The following MCTP1 variants were observed in gnomAD, a reference collection of about 807,000 sequenced individuals.
The protein encoded by MCTP1 is multiple C2 and transmembrane domain-containing protein 1.
Under a neutral mutation model 120.6 loss-of-function variants are expected in MCTP1, and 69 were observed. The ratio of observed to expected loss-of-function variants is 0.57; its 90% CI spans 0.47 to 0.70. The LOEUF (loss-of-function observed/expected upper bound fraction) is 0.70. Among genes scored for constraint, MCTP1 ranks in the 30% least tolerant of loss-of-function variants. The pLI is 0.00. For missense variants in MCTP1, 1,203 were observed against 1,248.8 expected (o/e 0.96, Z 0.55); for synonymous variants, 529 against 493.1 (o/e 1.07, Z -0.96).
intron 17 of MCTP1, among the ~76,000 whole-genome samples, chr5:94,859,129 T>C (rs909252966): frequency 2.6e-5 from 4 of 151,700 alleles, no homozygotes; most frequent in Non-Finnish European, 5.9e-5. Context: ...AAAACTGTGG[T>C]AGAAGTCTGA....
chr5:95,247,409 CT>C (rs1204996523), intron 1 of MCTP1, among the ~76,000 whole-genome samples: 2 of 152,082 alleles, frequency 1.3e-5, no homozygotes, highest in Non-Finnish European at 2.9e-5. Context: ...CTGCTCTGAT[CT>C]TAGTTATTCC....
intron 2 of MCTP1, among the ~76,000 whole-genome samples, chr5:94,969,305 T>TAAACTACACA (rs1222566381): frequency 5.3e-5 from 8 of 152,184 alleles, no homozygotes; most frequent in Admixed American, 2.6e-4. Flanking sequence ...AATGTGTCCA[T>TAAACTACACA]TTTTATGTAG....
At chr5:94,875,084 T>C (rs1278158446) in intron 12 of MCTP1, among the ~76,000 whole-genome samples, 2 of 152,162 alleles carry the variant, frequency 1.3e-5, no homozygotes, top group Non-Finnish European at 1.5e-5. Flanking sequence ...GGAGTTTACA[T>C]TGAAGAAGAA....
chr5:94,814,876 C>T (rs1233576537), intron 17 of MCTP1, among the ~76,000 whole-genome samples: 5 of 152,146 alleles, frequency 3.3e-5, no homozygotes, highest in Admixed American at 3.3e-4. Context: ...GACAATGTTT[C>T]CTTATTTTGT....
At chr5:94,731,653 A>G (rs1763150649) in intron 19 of MCTP1, among the ~76,000 whole-genome samples, 1 of 152,160 alleles carries the variant, frequency 6.6e-6, no homozygotes, top group African/African-American at 2.4e-5. Context: ...AGTTGATAGA[A>G]ATTATTTTGA....
intron 1 of MCTP1, among the ~76,000 whole-genome samples, chr5:95,049,679 T>G (rs1745406114): frequency 6.6e-6 from 1 of 152,204 alleles, no homozygotes; most frequent in African/African-American, 2.4e-5. Flanking sequence ...AATTTGTTAA[T>G]AATTATCTAA....
intron 1 of MCTP1, among the ~76,000 whole-genome samples, chr5:95,120,887 T>A (rs1330035623): frequency 1.3e-5 from 2 of 152,098 alleles, no homozygotes; most frequent in East Asian, 3.9e-4. Context: ...AAGGAAGAAG[T>A]CAAATTATCC....
intron 19 of MCTP1, among the ~76,000 whole-genome samples, chr5:94,774,629 A>G (rs1774896047): frequency 6.6e-6 from 1 of 152,180 alleles, no homozygotes; most frequent in South Asian, 2.1e-4. Flanking sequence ...CAGAGAACCC[A>G]ACTGAGCTGT....
chr5:95,208,535 A>G (rs920092940), intron 1 of MCTP1, among the ~76,000 whole-genome samples: 1 of 152,162 alleles, frequency 6.6e-6, no homozygotes, highest in African/African-American at 2.4e-5. Context: ...AGAGGTAAAT[A>G]TATTATTTTT....
At chr5:95,219,996 C>A (rs776044195) in intron 1 of MCTP1, among the ~76,000 whole-genome samples, 1 of 152,172 alleles carries the variant, frequency 6.6e-6, no homozygotes, top group Non-Finnish European at 1.5e-5. Context: ...AGCTCTCACA[C>A]TAAATTCAGC....
intron 17 of MCTP1, among the ~76,000 whole-genome samples, chr5:94,855,371 T>G (rs1794534024): frequency 6.6e-6 from 1 of 151,792 alleles, no homozygotes; most frequent in South Asian, 2.1e-4. Context: ...AAACAAACTC[T>G]ACTTCCTGTG....
At chr5:95,276,610 C>T (rs1759858676) in intron 1 of MCTP1, among the ~76,000 whole-genome samples, 1 of 150,808 alleles carries the variant, frequency 6.6e-6, no homozygotes, top group African/African-American at 2.4e-5. Context: ...AGATAAGAGA[C>T]TTTCTTAGAT....
chr5:95,007,872 T>C (rs1835083129), intron 2 of MCTP1, among the ~76,000 whole-genome samples: 2 of 152,092 alleles, frequency 1.3e-5, no homozygotes, highest in Non-Finnish European at 2.9e-5. Flanking sequence ...ACTCACAGAG[T>C]AGACTTGAAG....
At chr5:94,839,013 T>C (rs1392184037) in intron 17 of MCTP1, among the ~76,000 whole-genome samples, 1 of 152,212 alleles carries the variant, frequency 6.6e-6, no homozygotes, top group African/African-American at 2.4e-5. Context: ...ATTTAATGTC[T>C]CTGAAATTGT....
At chr5:94,888,606 G>A (rs1015756923) in intron 12 of MCTP1, among the ~76,000 whole-genome samples, 2 of 152,178 alleles carry the variant, frequency 1.3e-5, no homozygotes, top group Admixed American at 1.3e-4. Context: ...TCTGGAAGAC[G>A]TATTCCTACT....
chr5:94,715,374 A>AAAAC (rs1194969090), intron 19 of MCTP1, among the ~76,000 whole-genome samples: 4 of 150,428 alleles, frequency 2.7e-5, no homozygotes, highest in African/African-American at 9.7e-5. Context: ...AAAAAAAAAA[A>AAAAC]AAAAAAAAAA....
intron 19 of MCTP1, among the ~76,000 whole-genome samples, chr5:94,721,935 A>G (rs1224252276): frequency 6.6e-6 from 1 of 151,612 alleles, no homozygotes; most frequent in East Asian, 1.9e-4. Flanking sequence ...GAATCTGAGA[A>G]TATGTGAGAT....
chr5:94,904,871 G>T (rs1474284727), intron 10 of MCTP1, among the ~76,000 whole-genome samples: 2 of 152,178 alleles, frequency 1.3e-5, no homozygotes, highest in Non-Finnish European at 2.9e-5. Context: ...TATGGAGTAT[G>T]TTGCAGTGAA....
At chr5:95,144,700 A>G (rs984507984) in intron 1 of MCTP1, among the ~76,000 whole-genome samples, 1 of 152,146 alleles carries the variant, frequency 6.6e-6, no homozygotes, top group Non-Finnish European at 1.5e-5. Flanking sequence ...AGCTTTGTCA[A>G]TGATCAGATG....
Sources: gnomAD v4.1 joint callset for allele counts (sites outside exome capture counted in the v4.1 genomes callset) on GRCh38, gnomAD v4.1.1 for gene constraint, MANE v1.5 for transcripts, NCBI Gene and HGNC (gene_info 2026-07-23, HGNC 2026-07-21) for gene names.